The following PKD2 variants were observed in gnomAD, a reference collection of about 807,000 sequenced individuals.
PKD2 encodes the protein polycystin-2.
Under a neutral mutation model 105.9 loss-of-function variants are expected in PKD2, and 48 were observed. The observed-to-expected ratio is 0.45, with a 90% CI of 0.36 to 0.58. The LOEUF is 0.58. PKD2 is among the 20% of genes least tolerant of loss of function. PKD2 has a pLI of 0.00. For synonymous variants in PKD2, 464 were observed against 481.1 expected (o/e 0.96, Z 0.46); for missense variants, 1,078 against 1,255.3 (o/e 0.86, Z 2.13).
chr4:88,044,355 A>G (rs1279854425), intron 5 of PKD2, among the ~76,000 whole-genome samples: 1 of 152,216 alleles, frequency 6.6e-6, no homozygotes, highest in Non-Finnish European at 1.5e-5. Flanking sequence ...GGATTATTGC[A>G]TGTATATTTA....
Position 88,058,071 on chromosome 4 carries a change from A to G in PKD2, c.1987A>G (p.Thr663Ala), listed in dbSNP as rs1421054105. The G allele has an allele frequency of 6.5e-7, 1 of 1,549,048 alleles. No individual in the cohort carries two copies. Among genetic ancestry groups the G allele is most frequent in the Non-Finnish European group, 8.9e-7 (1 of 1,120,958 alleles). ...NRVLGPIYFT[T>A]FVFFMFFILL... ...AGTTTTGGGACCAATTTATTTCACT[A>G]CATTTGTGTTCTTTATGTTCTTCAT... Residue 663 changes from threonine (T) to alanine (A), a missense_variant, in exon 9 of 15, where the codon ACA (threonine) becomes GCA (alanine). By Grantham distance (58) the Thr-to-Ala change is moderately conservative. Coordinates refer to ENST00000237596, the MANE Select transcript of PKD2 (RefSeq NM_000297.4).
In PKD2 at chr4:88,036,339, G is replaced by A. The variant is rs769443534; in HGVS notation, c.829G>A (p.Glu277Lys). The part of the protein sequence containing the change: ...KTNFKTLSSM[E>K]DFWKFTEGSL... ...TAACTTTAAAACTCTGTCTTCCATG[G>A]AAGACTTCTGGAAGGTATTTGCAAA... Residue 277 changes from glutamate to lysine, a missense_variant, in exon 3 of 15, where the codon GAA becomes AAA. This residue lies in a region of PKD2 where 868 missense variants were observed against 1,067.3 expected (regional missense o/e 0.81). Coordinates refer to ENST00000237596, the MANE Select transcript of PKD2 (RefSeq NM_000297.4). The A allele has an allele frequency of 3.7e-6, 6 of 1,613,582 alleles. No individual in the cohort carries two copies. In the South Asian group the frequency reaches 6.6e-5, roughly 18 times the overall value.
In PKD2 at chr4:88,076,438, G is replaced by A. The variant is rs886059706; in HGVS notation, c.*744G>A. 41 of 152,206 alleles carry A rather than the reference G, an allele frequency of 2.7e-4. No homozygotes were observed. The highest frequency in any genetic ancestry group is 5.9e-5 in the Non-Finnish European group (4 of 68,050). The allele number at this position is 152,206 out of a possible 1,614,324, so 9.4% of individuals were successfully genotyped here. On this transcript the variant is annotated 3_prime_UTR_variant, in exon 15 of 15. Transcript: ENST00000237596. ...TAACCATAACACAGGAGAATTGGAA[G>A]GAGCCCTAAGTTGTCACTCAGTTTA...
At chr4:88,069,273 C>T (rs1720922220) in intron 13 of PKD2, among the ~76,000 whole-genome samples, 1 of 151,896 alleles carries the variant, frequency 6.6e-6, no homozygotes, top group East Asian at 1.9e-4. Flanking sequence ...GATTAGATTG[C>T]TTAATCCATT....
chr4:88,042,070 C>G (rs996150262), intron 4 of PKD2, among the ~76,000 whole-genome samples: 1 of 152,238 alleles, frequency 6.6e-6, no homozygotes, highest in Non-Finnish European at 1.5e-5. Flanking sequence ...GGGAGCCAAA[C>G]TGAACTACTT....
chr4:88,043,179 C>A, intron 4 of PKD2, 54 bp from the exon 5 acceptor site: 2 of 1,140,540 alleles, frequency 1.8e-6, no homozygotes, highest in South Asian at 1.2e-5. Flanking sequence ...TTGTAATTGC[C>A]TCAAGTGTTC....
At chr4:88,039,096 T>C (rs1727453377) in intron 4 of PKD2, among the ~76,000 whole-genome samples, 1 of 152,142 alleles carries the variant, frequency 6.6e-6, no homozygotes, top group Non-Finnish European at 1.5e-5. Context: ...TTAGAAGTAT[T>C]GTAGTTATTA....
At chr4:88,042,920 T>C (rs1015997478) in intron 4 of PKD2, among the ~76,000 whole-genome samples, 8 of 152,144 alleles carry the variant, frequency 5.3e-5, no homozygotes, top group African/African-American at 1.2e-4. Flanking sequence ...AAGGCAGCCG[T>C]ATAAACTGAG....
intron 7 of PKD2, 112 bp from the exon 8 acceptor site, chr4:88,055,974 G>T: frequency 1.3e-6 from 1 of 791,882 alleles, no homozygotes; most frequent in Admixed American, 1.8e-5. Flanking sequence ...GTTCATCCAT[G>T]TTGTAACCTG....
intron 4 of PKD2, among the ~76,000 whole-genome samples, chr4:88,041,768 T>C (rs975392454): frequency 3.3e-5 from 5 of 152,184 alleles, no homozygotes; most frequent in Non-Finnish European, 7.3e-5. Context: ...CTCTTACCGG[T>C]CAGGGAAAGT....
rs945262824 is a variant in PKD2, at chr4:88,076,839, A to G, written c.*1145A>G. The G allele has an allele frequency of 1.3e-5, 2 of 152,130 alleles. No individual in the cohort carries two copies. Among genetic ancestry groups the G allele is most frequent in the African/African-American group, 4.8e-5 (2 of 41,418 alleles). 9.4% of individuals were successfully genotyped at this position (152,130 alleles called of 1,614,324 possible). A position where few individuals can be genotyped will look rare whatever the true frequency, so the allele number is the denominator to read the frequency against. ...CATCTCTACAAAAAATGCAAAAATAAAAAATATAGTACTCAAGTATTCTTG... is the reference window on the plus strand; with the variant it reads ...CATCTCTACAAAAAATGCAAAAATAGAAAATATAGTACTCAAGTATTCTTG... On this transcript the variant is annotated 3_prime_UTR_variant, in exon 15 of 15. Coordinates refer to ENST00000237596, the MANE Select transcript of PKD2 (RefSeq NM_000297.4).
intron 1 of PKD2, among the ~76,000 whole-genome samples, chr4:88,013,722 A>AAG (rs569650076): frequency 6.6e-6 from 1 of 151,884 alleles, no homozygotes; most frequent in Non-Finnish European, 1.5e-5. Flanking sequence ...AAAAAAAAAA[A>AAG]AGAGAGGATC....
intron 6 of PKD2, among the ~76,000 whole-genome samples, chr4:88,051,589 G>T (rs1007036118): frequency 3.9e-5 from 6 of 152,204 alleles, no homozygotes; most frequent in African/African-American, 1.4e-4. Context: ...AATAAAAACA[G>T]CAGGATGAAG....
intron 5 of PKD2, among the ~76,000 whole-genome samples, chr4:88,045,242 A>G (rs180997230): frequency 6.6e-6 from 1 of 152,354 alleles, no homozygotes; most frequent in African/African-American, 2.4e-5. Flanking sequence ...CTTGAAGGCC[A>G]CTTCCTTCCC....
chr4:88,067,697 C>T (rs1169970673), intron 12 of PKD2, among the ~76,000 whole-genome samples: 1 of 152,124 alleles, frequency 6.6e-6, no homozygotes, highest in African/African-American at 2.4e-5. Context: ...CTTGTTCAAA[C>T]AAAAAGTTGG....
intron 14 of PKD2, 51 bp downstream of exon 14, chr4:88,075,010 G>A (rs777958873): frequency 1.3e-6 from 2 of 1,588,192 alleles, no homozygotes; most frequent in Non-Finnish European, 1.7e-6. Context: ...TGTTATTAAT[G>A]AAAATATATG....
chr4:88,055,806 C>T (rs766107979), intron 7 of PKD2, among the ~76,000 whole-genome samples: 4 of 152,074 alleles, frequency 2.6e-5, no homozygotes, highest in Non-Finnish European at 5.9e-5. Flanking sequence ...ACTTTGTATC[C>T]ATTGAACACT....
rs762511943 is a variant in PKD2, at chr4:88,075,450, C to CT, written c.2671-3dup. ...GCCCCCAACACCAGTTTCTTTTTCC[C>CT]TTTTTAGGATGAAAGGCTGGGTCGT... On this transcript the variant is annotated splice_polypyrimidine_tract_variant and splice_region_variant and intron_variant, in intron 14 of 14. Coordinates refer to ENST00000237596, the MANE Select transcript of PKD2 (RefSeq NM_000297.4). 41 of 1,609,348 alleles carry CT rather than the reference C, an allele frequency of 2.5e-5. No homozygotes were observed. The highest frequency in any genetic ancestry group is 3.4e-5 in the Non-Finnish European group (40 of 1,175,852).
chr4:88,013,648 G>C (rs558996221), intron 1 of PKD2, among the ~76,000 whole-genome samples: 1 of 151,892 alleles, frequency 6.6e-6, no homozygotes, highest in East Asian at 2.0e-4. Context: ...GCTGCAGTGA[G>C]CTGTGATCAC....
Sources: gnomAD v4.1 joint callset for allele counts (sites outside exome capture counted in the v4.1 genomes callset) on GRCh38, gnomAD v4.1.1 for gene constraint, gnomAD v4.1.1 regional missense constraint, MANE v1.5 for transcripts, NCBI Gene and HGNC (gene_info 2026-07-23, HGNC 2026-07-21) for gene names.